PDE3B: variants seen among roughly 807,000 people sequenced by gnomAD.
PDE3B encodes phosphodiesterase 3B.
PDE3B carries 66 observed loss-of-function variants against 116.8 expected under a neutral mutation model. The ratio of observed to expected loss-of-function variants is 0.56; its 90% CI spans 0.46 to 0.69. The LOEUF is 0.69. Ranked by LOEUF, PDE3B falls within the 30% of genes least tolerant of loss-of-function variation. The pLI, the probability that PDE3B is intolerant of heterozygous loss-of-function variation, is 0.00. For missense variants in PDE3B, 1,384 were observed against 1,368.1 expected, an observed-to-expected ratio of 1.01 and a Z score of -0.18; for synonymous variants, 595 against 533.6, an observed-to-expected ratio of 1.12 and a Z score of -1.59.
At chr11:14,737,198 C>CT (rs71044022) in intron 1 of PDE3B, among the ~76,000 whole-genome samples, 75 of 146,620 alleles carry the variant, frequency 5.1e-4, no homozygotes, top group East Asian at 1.6e-3. Context: ...AGGCTGCCTT[C>CT]TTTTTTTTTT....
At chr11:14,820,775 A>G (rs1859494135) in intron 7 of PDE3B, among the ~76,000 whole-genome samples, 1 of 152,124 alleles carries the variant, frequency 6.6e-6, no homozygotes, top group Non-Finnish European at 1.5e-5. Flanking sequence ...TGAGGATACA[A>G]TGTGAAATCG....
the PDE3B span, chr11:14,879,173 C>T: frequency 1.9e-5 from 31 of 1,613,194 alleles, no homozygotes; most frequent in South Asian, 8.8e-5. Flanking sequence ...GTCCAGAAAT[C>T]GCTCAGGATG....
At chr11:14,680,720 A>G (rs1314401447) in intron 1 of PDE3B, among the ~76,000 whole-genome samples, 1 of 152,160 alleles carries the variant, frequency 6.6e-6, no homozygotes, top group Non-Finnish European at 1.5e-5. Flanking sequence ...TGACTTAAGT[A>G]TAACTTTACT....
At chr11:14,754,845 C>T (rs1857143752) in intron 1 of PDE3B, among the ~76,000 whole-genome samples, 1 of 152,154 alleles carries the variant, frequency 6.6e-6, no homozygotes, top group African/African-American at 2.4e-5. Context: ...GATTTGAACT[C>T]TATAGGCTCT....
At chr11:14,783,964 C>A (rs1251602626) in intron 2 of PDE3B, among the ~76,000 whole-genome samples, 1 of 152,174 alleles carries the variant, frequency 6.6e-6, no homozygotes, top group African/African-American at 2.4e-5. Context: ...ACCACCTGAG[C>A]TCTGCCTCTT....
intron 12 of PDE3B, among the ~76,000 whole-genome samples, chr11:14,847,453 A>G (rs1441124263): frequency 3.3e-5 from 5 of 151,578 alleles, no homozygotes; most frequent in Admixed American, 6.6e-5. Context: ...GAGCAAACAC[A>G]TTCAAAAGCT....
chr11:14,892,203 C>T, the PDE3B span: 4 of 1,609,740 alleles, frequency 2.5e-6, no homozygotes, highest in African/African-American at 2.7e-5. Flanking sequence ...AAAGCTTCCA[C>T]ATCGGCCCGA....
intron 1 of PDE3B, among the ~76,000 whole-genome samples, chr11:14,691,243 A>T (rs192906422): frequency 6.6e-6 from 1 of 152,302 alleles, no homozygotes; most frequent in East Asian, 1.9e-4. Flanking sequence ...AAGATTTATT[A>T]TACAATTTAT....
chr11:14,796,161 T>C (rs530564965), intron 4 of PDE3B, among the ~76,000 whole-genome samples: 30 of 152,312 alleles, frequency 2.0e-4, no homozygotes, highest in African/African-American at 7.0e-4. Flanking sequence ...TTGCTGAGAA[T>C]GATGGTTTCC....
At chr11:14,811,273 G>C (rs1303258532) in intron 5 of PDE3B, among the ~76,000 whole-genome samples, 1 of 152,112 alleles carries the variant, frequency 6.6e-6, no homozygotes, top group African/African-American at 2.4e-5. Flanking sequence ...TAATGCCTAG[G>C]TTTTCTTCTA....
At chr11:14,708,293 C>T (rs543329305) in intron 1 of PDE3B, among the ~76,000 whole-genome samples, 3 of 152,134 alleles carry the variant, frequency 2.0e-5, no homozygotes, top group Admixed American at 2.0e-4. Context: ...AGGAAACAAC[C>T]TGAGGCCCTC....
chr11:14,665,592 A>G (rs1452017234), intron 1 of PDE3B, among the ~76,000 whole-genome samples: 1 of 152,230 alleles, frequency 6.6e-6, no homozygotes, highest in Non-Finnish European at 1.5e-5. Flanking sequence ...AAGTCAATGT[A>G]CAAAAATCAC....
intron 1 of PDE3B, among the ~76,000 whole-genome samples, chr11:14,688,113 TTC>T (rs35700152): frequency 0.27 from 29,667 of 108,772 alleles, 2,678 homozygotes; most frequent in Admixed American, 0.34. Context: ...CTCTCTCTCT[TTC>T]TCTCTCTCTC....
At chr11:14,746,446 T>C (rs1351074417) in intron 1 of PDE3B, among the ~76,000 whole-genome samples, 1 of 152,172 alleles carries the variant, frequency 6.6e-6, no homozygotes, top group Non-Finnish European at 1.5e-5. Context: ...ATGCCCTTTT[T>C]CTAGGGCAGC....
intron 2 of PDE3B, among the ~76,000 whole-genome samples, chr11:14,781,325 C>T (rs1857992400): frequency 6.6e-6 from 1 of 152,178 alleles, no homozygotes; most frequent in Non-Finnish European, 1.5e-5. Context: ...AGGCCAGCAG[C>T]ATCCTGATAC....
intron 3 of PDE3B, among the ~76,000 whole-genome samples, chr11:14,787,875 TACTC>T (rs1446256050): frequency 1.3e-4 from 20 of 152,010 alleles, no homozygotes; most frequent in South Asian, 4.1e-4. Flanking sequence ...TGATATTTGA[TACTC>T]AGGATAGTAA....
intron 1 of PDE3B, among the ~76,000 whole-genome samples, chr11:14,653,865 G>A (rs1036715207): frequency 1.3e-5 from 2 of 152,078 alleles, no homozygotes; most frequent in African/African-American, 4.8e-5. Flanking sequence ...AGGCATGGTG[G>A]CGAATGCCTA....
chr11:14,714,210 G>GA (rs953514427), intron 1 of PDE3B, among the ~76,000 whole-genome samples: 2 of 151,250 alleles, frequency 1.3e-5, no homozygotes, highest in Non-Finnish European at 2.9e-5. Flanking sequence ...GTTATAGTCA[G>GA]AAAAAAAGAC....
At chr11:14,738,821 G>A (rs1223197249) in intron 1 of PDE3B, among the ~76,000 whole-genome samples, 1 of 152,112 alleles carries the variant, frequency 6.6e-6, no homozygotes, top group Non-Finnish European at 1.5e-5. Context: ...TCTCCATATG[G>A]CTAGCCAGTT....
Sources: gnomAD v4.1 joint callset for allele counts (sites outside exome capture counted in the v4.1 genomes callset) on GRCh38, gnomAD v4.1.1 for gene constraint, MANE v1.5 for transcripts, NCBI Gene and HGNC (gene_info 2026-07-23, HGNC 2026-07-21) for gene names.